Variants in MEIS1 observed in about 807,000 individuals in gnomAD.
The protein encoded by MEIS1 is homeobox protein Meis1.
In MEIS1, 5 loss-of-function variants were observed where a neutral mutation model predicts 50.8. That is an observed-to-expected ratio of 0.10 (90% CI 0.05 to 0.21). The LOEUF (loss-of-function observed/expected upper bound fraction) is 0.21, where lower values mean the gene tolerates loss of function less well. MEIS1 is among the 10% of genes least tolerant of loss of function. The pLI, the probability that MEIS1 is intolerant of heterozygous loss-of-function variation, is 1.00. For synonymous variants in MEIS1, 176 were observed against 179.3 expected, an observed-to-expected ratio of 0.98 and a Z score of 0.15; for missense variants, 318 against 517.3, an observed-to-expected ratio of 0.61 and a Z score of 3.74.
intron 6 of MEIS1, among the ~76,000 whole-genome samples, chr2:66,449,525 A>G (rs1002326734): frequency 6.6e-6 from 1 of 152,128 alleles, no homozygotes; most frequent in African/African-American, 2.4e-5. Flanking sequence ...AGGAATTTAG[A>G]GAAGCTTTTT....
intron 9 of MEIS1, among the ~76,000 whole-genome samples, chr2:66,551,737 A>C (rs1216524501): frequency 6.6e-6 from 1 of 151,932 alleles, no homozygotes; most frequent in Non-Finnish European, 1.5e-5. Flanking sequence ...TTAGATTTAA[A>C]AGTGTAATCA....
chr2:66,500,995 A>G (rs1274164737), intron 7 of MEIS1, among the ~76,000 whole-genome samples: 1 of 152,078 alleles, frequency 6.6e-6, no homozygotes, highest in African/African-American at 2.4e-5. Context: ...ATGTGTGTGT[A>G]TGTGTGTCTG....
chr2:66,532,619 A>G (rs1674421306), intron 8 of MEIS1, among the ~76,000 whole-genome samples: 1 of 148,630 alleles, frequency 6.7e-6, no homozygotes, highest in Admixed American at 6.7e-5. Flanking sequence ...TGATGCCATG[A>G]AAAAAAAAAC....
At chr2:66,476,896 G>C (rs1414447272) in intron 7 of MEIS1, among the ~76,000 whole-genome samples, 4 of 151,756 alleles carry the variant, frequency 2.6e-5, no homozygotes, top group Admixed American at 2.6e-4. Context: ...AGAGGGGCAT[G>C]TAAGGAAAAA....
chr2:66,537,262 C>T (rs572805766), intron 8 of MEIS1, among the ~76,000 whole-genome samples: 1 of 152,342 alleles, frequency 6.6e-6, no homozygotes, highest in South Asian at 2.1e-4. Flanking sequence ...CAGTAAACTA[C>T]ATAATCACCC....
intron 7 of MEIS1, among the ~76,000 whole-genome samples, chr2:66,498,134 T>C (rs1673455516): frequency 6.6e-6 from 1 of 152,184 alleles, no homozygotes; most frequent in Non-Finnish European, 1.5e-5. Context: ...TTTTGGAGCT[T>C]TGAGTGGGGG....
In MEIS1 at chr2:66,442,882, T is replaced by G; in HGVS notation, c.484-20T>G. 1 of 1,570,758 alleles carries G rather than the reference T, an allele frequency of 6.4e-7. No individual in the cohort carries two copies. The highest frequency in any genetic ancestry group is 8.6e-7 in the Non-Finnish European group (1 of 1,164,624). ...CACTCCTGATTATATTCCCATTTTT[T>G]TATTTCTGTCATAATGTAGGTACAC... On this transcript the variant is annotated intron_variant, in intron 5 of 12. Transcript: ENST00000272369.
At chr2:66,460,124 G>C (rs908987415) in intron 6 of MEIS1, among the ~76,000 whole-genome samples, 5 of 152,202 alleles carry the variant, frequency 3.3e-5, no homozygotes, top group African/African-American at 1.2e-4. Context: ...AGCCAAGATA[G>C]TTTTTGAAGT....
At chr2:66,550,116 T>G (rs1458580470) in intron 9 of MEIS1, among the ~76,000 whole-genome samples, 1 of 152,232 alleles carries the variant, frequency 6.6e-6, no homozygotes, top group Non-Finnish European at 1.5e-5. Flanking sequence ...GACTTTACCC[T>G]AAACTTCACA....
chr2:66,520,580 A>T (rs1461981753), intron 8 of MEIS1, among the ~76,000 whole-genome samples: 2 of 152,186 alleles, frequency 1.3e-5, no homozygotes, highest in Non-Finnish European at 2.9e-5. Flanking sequence ...CTGCCTGCAT[A>T]ATGTGACTTT....
At chr2:66,462,764 C>G (rs1672549312) in intron 6 of MEIS1, among the ~76,000 whole-genome samples, 1 of 152,208 alleles carries the variant, frequency 6.6e-6, no homozygotes, top group African/African-American at 2.4e-5. Context: ...ATCTCAGAAT[C>G]AGCAGATCAA....
At chr2:66,536,600 A>G (rs931786526) in intron 8 of MEIS1, among the ~76,000 whole-genome samples, 2 of 152,240 alleles carry the variant, frequency 1.3e-5, no homozygotes, top group African/African-American at 4.8e-5. Context: ...TCTTGAAAAT[A>G]AATTTCACTC....
intron 2 of MEIS1, 147 bp from the exon 3 acceptor site, chr2:66,439,696 G>A: frequency 6.5e-7 from 1 of 1,543,830 alleles, no homozygotes; most frequent in Non-Finnish European, 8.7e-7. Context: ...GGGTCTGGGG[G>A]AGGGGGAGGA....
chr2:66,510,454 A>C (rs567977627), intron 7 of MEIS1, among the ~76,000 whole-genome samples: 2 of 152,158 alleles, frequency 1.3e-5, no homozygotes, highest in Non-Finnish European at 2.9e-5. Context: ...GTGGGTTTTC[A>C]TGATCTTTTC....
Position 66,569,115 on chromosome 2 carries a change from T to TCTA in MEIS1, c.*8_*10dup. 3 of 1,613,482 alleles carry TCTA rather than the reference T, an allele frequency of 1.9e-6. No individual in the cohort carries two copies. The highest frequency in any genetic ancestry group is 1.7e-4 in the Middle Eastern group (1 of 6,058). On this transcript the variant is annotated 3_prime_UTR_variant, in exon 12 of 13. Coordinates refer to ENST00000272369, the MANE Select transcript of MEIS1 (RefSeq NM_002398.3). ...GCAGTGGCACTACATGTAACCTTCA[T>TCTA]CTAGTTAACCAATCGCAAAGCAAGG...
At chr2:66,443,211 C>T in intron 6 of MEIS1, 163 bp downstream of exon 6, 1 of 752,096 alleles carries the variant, frequency 1.3e-6, no homozygotes, top group Non-Finnish European at 2.0e-6. Flanking sequence ...GCTATTATTG[C>T]TTCATTAAGG....
intron 4 of MEIS1, 156 bp downstream of exon 4, chr2:66,440,768 C>T (rs1332242235): frequency 1.7e-6 from 1 of 587,424 alleles, no homozygotes; most frequent in Admixed American, 3.1e-5. Flanking sequence ...ACAACTGGTC[C>T]GGGACAAGAT....
At chr2:66,553,929 A>G (rs983231624) in intron 9 of MEIS1, among the ~76,000 whole-genome samples, 2 of 152,174 alleles carry the variant, frequency 1.3e-5, no homozygotes, top group African/African-American at 4.8e-5. Context: ...CCCTAAGTCT[A>G]GGTGAGAAAA....
chr2:66,456,551 A>C (rs1224272018), intron 6 of MEIS1, among the ~76,000 whole-genome samples: 1 of 152,188 alleles, frequency 6.6e-6, no homozygotes, highest in Non-Finnish European at 1.5e-5. Flanking sequence ...TCTTACCGCT[A>C]ATTTACCATC....
Sources: allele counts gnomAD v4.1 joint callset (sites outside exome capture counted in the v4.1 genomes callset), GRCh38; gene constraint gnomAD v4.1.1; transcripts MANE v1.5; gene names NCBI Gene and HGNC (gene_info 2026-07-23, HGNC 2026-07-21).